PDE10A: variants seen among roughly 807,000 people sequenced by gnomAD.
PDE10A encodes phosphodiesterase 10A, also known as cAMP and cAMP-inhibited cGMP 3',5'-cyclic phosphodiesterase 10A.
Under a neutral mutation model 97.7 loss-of-function variants are expected in PDE10A, and 39 were observed. That is an observed-to-expected ratio of 0.40 (90% confidence interval 0.31 to 0.52). The LOEUF is 0.52. Among genes scored for constraint, PDE10A ranks in the 20% least tolerant of loss-of-function variants. The probability of loss-of-function intolerance (pLI) is 0.56; values close to 1 mark genes in which losing one functional copy is unlikely to be tolerated. For missense variants in PDE10A, 731 were observed against 1,047.8 expected (o/e 0.70, Z 4.17); for synonymous variants, 371 against 376.8 (o/e 0.98, Z 0.18).
At chr6:165,659,450 G>C (rs3008060) in intron 1 of PDE10A, among the ~76,000 whole-genome samples, 12,746 of 152,198 alleles carry the variant, frequency 0.084, 594 homozygotes, top group Non-Finnish European at 0.11. Context: ...CCAGTGGCTT[G>C]TCAGGCAGCA....
chr6:165,667,620 G>C (rs1465566117), upstream of PDE10A, among the ~76,000 whole-genome samples: 1 of 150,844 alleles, frequency 6.6e-6, no homozygotes, highest in Non-Finnish European at 1.5e-5. Flanking sequence ...TTCTATCTGA[G>C]AAAGGGGTTA....
chr6:165,446,242 T>C (rs560154874), intron 5 of PDE10A, among the ~76,000 whole-genome samples: 14 of 152,298 alleles, frequency 9.2e-5, no homozygotes, highest in African/African-American at 3.4e-4. Flanking sequence ...AAACACAAAC[T>C]GAGAGTGCTT....
At chr6:165,632,703 G>T (rs1326621322) in intron 1 of PDE10A, among the ~76,000 whole-genome samples, 1 of 152,200 alleles carries the variant, frequency 6.6e-6, no homozygotes, top group African/African-American at 2.4e-5. Flanking sequence ...ACCATGAGGG[G>T]TGAAGCGGCC....
chr6:165,562,428 T>C (rs941443397), intron 1 of PDE10A, among the ~76,000 whole-genome samples: 1 of 152,184 alleles, frequency 6.6e-6, no homozygotes, highest in African/African-American at 2.4e-5. Context: ...CAGATAAATA[T>C]GATTTAAACT....
intron 17 of PDE10A, among the ~76,000 whole-genome samples, chr6:165,384,720 C>T (rs1203328509): frequency 1.3e-5 from 2 of 150,998 alleles, no homozygotes. Context: ...GTATTATTCT[C>T]CTTGCTTGCT....
intron 1 of PDE10A, among the ~76,000 whole-genome samples, chr6:165,884,478 T>A (rs2500472): frequency 6.6e-6 from 1 of 152,094 alleles, no homozygotes; most frequent in South Asian, 2.1e-4. Context: ...CCCAGAACCC[T>A]CGAGTGGCAG....
intron 1 of PDE10A, among the ~76,000 whole-genome samples, chr6:165,847,513 G>A (rs1241413707): frequency 1.3e-5 from 2 of 152,262 alleles, no homozygotes; most frequent in Non-Finnish European, 2.9e-5. Flanking sequence ...AAACATGTTA[G>A]CATAGAAGCA....
intron 2 of PDE10A, among the ~76,000 whole-genome samples, chr6:165,516,571 C>T (rs1212644216): frequency 1.3e-5 from 2 of 152,032 alleles, no homozygotes; most frequent in African/African-American, 2.4e-5. Flanking sequence ...GATCTGACAC[C>T]CTCTCACATG....
intron 1 of PDE10A, among the ~76,000 whole-genome samples, chr6:165,686,964 T>TTA (rs150801501): frequency 0.032 from 4,823 of 152,358 alleles, 238 homozygotes; most frequent in African/African-American, 0.11. Context: ...GTGACATGAA[T>TTA]TATACTAGCT....
In PDE10A at chr6:165,804,828, C is replaced by A. The variant is rs1047473456; in HGVS notation, c.-615+182701G>T. Among the ~76,000 whole-genome samples the A allele has an allele frequency of 4.0e-5, 6 of 151,400 alleles. No homozygotes were observed. The South Asian group carries it at 1.3e-3, about 32-fold the overall frequency. On this transcript the variant is annotated intron_variant, in intron 1 of 19. Coordinates refer to the PDE10A transcript ENST00000366882. ...GCGGGCGGAGACTGACAGGCGTGGGCGGCGACAGCTGCAGCTCCGAAGCTC... is the reference window on the plus strand; with the variant it reads ...GCGGGCGGAGACTGACAGGCGTGGGAGGCGACAGCTGCAGCTCCGAAGCTC...
chr6:165,894,279 C>T (rs76369271), intron 1 of PDE10A: 5,540 of 455,852 alleles, frequency 0.012, 344 homozygotes, highest in Admixed American at 0.12. Flanking sequence ...TGGTGAAGCC[C>T]GAGAAGATGT....
intron 2 of PDE10A, among the ~76,000 whole-genome samples, chr6:165,521,357 A>G (rs1311509479): frequency 6.6e-6 from 1 of 152,168 alleles, no homozygotes; most frequent in African/African-American, 2.4e-5. Flanking sequence ...TTGTTCAAGC[A>G]AAAGGAAGAG....
At chr6:165,383,861 A>G (rs1470506920) in intron 17 of PDE10A, among the ~76,000 whole-genome samples, 1 of 152,184 alleles carries the variant, frequency 6.6e-6, no homozygotes, top group African/African-American at 2.4e-5. Context: ...ATGTGGGGAT[A>G]CACTCAAAGA....
intron 1 of PDE10A, among the ~76,000 whole-genome samples, chr6:165,564,856 T>C (rs1784697857): frequency 6.6e-6 from 1 of 152,168 alleles, no homozygotes; most frequent in Non-Finnish European, 1.5e-5. Flanking sequence ...TCTCCAATAT[T>C]CTTAACTAAA....
At position 165,543,521 on chromosome 6, in the gene PDE10A, C is replaced by T; in HGVS notation, c.913G>A (p.Val305Ile). Residue 305 changes from valine (V) to isoleucine (I), a missense_variant, in exon 2 of 22, where the codon GTA becomes ATA. Transcript: ENST00000539869. ...CTTTCAGATACAAATTCATCTAATACCTGGGGGTGAAGAGAAAGATATGCC... is the reference window on the plus strand; with the variant it reads ...CTTTCAGATACAAATTCATCTAATATCTGGGGGTGAAGAGAAAGATATGCC... ...VKAYLSLHPQVLDEFVSESVS... is the reference protein window; with the variant it reads ...VKAYLSLHPQILDEFVSESVS... 6.2e-7 allele frequency: 1 copy of T among 1,610,958 alleles called. No individual in the cohort carries two copies. Among genetic ancestry groups the T allele is most frequent in the Non-Finnish European group, 8.5e-7 (1 of 1,177,822 alleles).
chr6:165,531,286 G>C (rs1027914506), intron 2 of PDE10A, among the ~76,000 whole-genome samples: 1 of 151,500 alleles, frequency 6.6e-6, no homozygotes, highest in East Asian at 1.9e-4. Context: ...CATTATAGCT[G>C]AATCTGTGTC....
intron 1 of PDE10A, among the ~76,000 whole-genome samples, chr6:165,954,711 G>T (rs1346021790): frequency 6.6e-6 from 1 of 152,070 alleles, no homozygotes; most frequent in East Asian, 1.9e-4. Flanking sequence ...GCCCACCAGG[G>T]ATCGCACCAG....
chr6:165,672,833 C>T lies in PDE10A; in HGVS notation c.-614-129265G>A, dbSNP rs1192900232. On this transcript the variant is annotated intron_variant, in intron 1 of 19. Coordinates refer to the PDE10A transcript ENST00000366882. ...GAAAACGGACTAACACAGATGGGTA[C>T]TCGAAGAACGGTTTCTCCTGAATAC... Among the ~76,000 whole-genome samples the T allele has an allele frequency of 2.6e-5, 4 of 152,182 alleles. No individual in the cohort carries two copies. The South Asian group carries it at 6.2e-4, about 24-fold the overall frequency.
intron 1 of PDE10A, among the ~76,000 whole-genome samples, chr6:165,951,858 G>C (rs531508299): frequency 6.6e-6 from 1 of 152,030 alleles, no homozygotes. Flanking sequence ...GCTTTTACTG[G>C]GGCCCTACAA....
Sources: gnomAD v4.1 joint callset for allele counts (sites outside exome capture counted in the v4.1 genomes callset) on GRCh38, gnomAD v4.1.1 for gene constraint, MANE v1.5 for transcripts, NCBI Gene and HGNC (gene_info 2026-07-23, HGNC 2026-07-21) for gene names.